Variants in LRRIQ1 observed in about 807,000 individuals in gnomAD.
LRRIQ1 encodes the protein leucine rich repeats and IQ motif containing 1.
Under a neutral mutation model 211.9 loss-of-function variants are expected in LRRIQ1, and 210 were observed. That is an observed-to-expected ratio of 0.99 (90% CI 0.89 to 1.11). The LOEUF is 1.11. LRRIQ1 is among the 50% of genes most tolerant of loss of function. The pLI is 0.00. For missense variants in LRRIQ1, 2,136 were observed against 1,939.5 expected (o/e 1.10, Z -1.90); for synonymous variants, 699 against 650.1 (o/e 1.08, Z -1.14).
At chr12:85,106,048 G>A (rs1189429805) in intron 14 of LRRIQ1, among the ~76,000 whole-genome samples, 2 of 151,888 alleles carry the variant, frequency 1.3e-5, no homozygotes, top group Non-Finnish European at 2.9e-5. Flanking sequence ...TGCCCGCCTC[G>A]GCCTCCCAAA....
At chr12:85,123,907 G>A (rs984343632) in intron 16 of LRRIQ1, among the ~76,000 whole-genome samples, 163 bp from the exon 17 acceptor site, 2 of 151,916 alleles carry the variant, frequency 1.3e-5, no homozygotes, top group African/African-American at 2.4e-5. Flanking sequence ...TGTTATAAAC[G>A]AGATCAATTT....
chr12:85,173,493 A>G (rs575293140), intron 24 of LRRIQ1, among the ~76,000 whole-genome samples: 51 of 152,238 alleles, frequency 3.4e-4, no homozygotes, highest in Non-Finnish European at 6.3e-4. Flanking sequence ...AGCTAATTCA[A>G]TTCCTGATGA....
At chr12:85,238,111 C>G (rs1593011394) in intron 26 of LRRIQ1, among the ~76,000 whole-genome samples, 1 of 150,956 alleles carries the variant, frequency 6.6e-6, no homozygotes, top group East Asian at 1.9e-4. Context: ...GAACTGCAAA[C>G]TATTTCACCT....
chr12:85,160,169 G>A (rs564432394), intron 23 of LRRIQ1, among the ~76,000 whole-genome samples: 32 of 151,840 alleles, frequency 2.1e-4, no homozygotes, highest in Non-Finnish European at 4.0e-4. Flanking sequence ...TCTATTTTTT[G>A]TAATATTAAT....
At chr12:85,075,718 A>G (rs1323692481) in intron 11 of LRRIQ1, among the ~76,000 whole-genome samples, 1 of 151,886 alleles carries the variant, frequency 6.6e-6, no homozygotes, top group Non-Finnish European at 1.5e-5. Context: ...TCCAAACTGT[A>G]TCACTGAGTA....
chr12:85,135,809 A>G (rs1190639300), intron 18 of LRRIQ1, among the ~76,000 whole-genome samples: 3 of 151,950 alleles, frequency 2.0e-5, no homozygotes, highest in Non-Finnish European at 4.4e-5. Context: ...GGTTCATTTG[A>G]CATACATTTT....
intron 23 of LRRIQ1, among the ~76,000 whole-genome samples, chr12:85,158,630 A>G (rs948528530): frequency 1.3e-5 from 2 of 151,934 alleles, no homozygotes; most frequent in Admixed American, 6.6e-5. Context: ...CATAATAGGG[A>G]CATGGTTACT....
chr12:85,269,280 A>T (rs1896485477), downstream of LRRIQ1, among the ~76,000 whole-genome samples: 1 of 151,954 alleles, frequency 6.6e-6, no homozygotes, highest in Admixed American at 6.6e-5. Flanking sequence ...CTGCTACGTG[A>T]TGGTTTTCAA....
intron 19 of LRRIQ1, among the ~76,000 whole-genome samples, chr12:85,139,142 G>A (rs1442098298): frequency 6.6e-6 from 1 of 151,400 alleles, no homozygotes. Context: ...TAAGAAGAAT[G>A]AGTTGGTAAA....
At chr12:85,207,724 T>A (rs1893631613) in intron 24 of LRRIQ1, among the ~76,000 whole-genome samples, 1 of 152,164 alleles carries the variant, frequency 6.6e-6, no homozygotes, top group African/African-American at 2.4e-5. Context: ...GGGTTTAGAT[T>A]CTTTTTTTGG....
At chr12:85,089,934 G>C (rs181957969) in intron 11 of LRRIQ1, among the ~76,000 whole-genome samples, 3 of 152,170 alleles carry the variant, frequency 2.0e-5, no homozygotes, top group African/African-American at 7.2e-5. Context: ...AAAAAGCTAC[G>C]AAGGCATTAC....
downstream of LRRIQ1, among the ~76,000 whole-genome samples, chr12:85,248,760 T>C (rs114960561): frequency 6.3e-3 from 951 of 151,914 alleles, 7 homozygotes; most frequent in African/African-American, 0.022. Flanking sequence ...ATTCGTGATT[T>C]GTGCCTAGAA....
chr12:85,222,315 A>T (rs189374280), intron 24 of LRRIQ1, among the ~76,000 whole-genome samples: 334 of 152,142 alleles, frequency 2.2e-3, no homozygotes, highest in African/African-American at 7.8e-3. Flanking sequence ...CCAAGATAGA[A>T]CTCCAGAGAA....
intron 4 of LRRIQ1, among the ~76,000 whole-genome samples, chr12:85,045,606 A>T (rs1035605222): frequency 2.0e-5 from 3 of 152,126 alleles, no homozygotes; most frequent in African/African-American, 7.2e-5. Context: ...TATATAATTT[A>T]GGTTACAGAA....
At chr12:85,210,492 T>C (rs1021118612) in intron 24 of LRRIQ1, among the ~76,000 whole-genome samples, 1 of 152,228 alleles carries the variant, frequency 6.6e-6, no homozygotes, top group Admixed American at 6.5e-5. Context: ...GTAAATGTCT[T>C]GGTTTAGCTT....
chr12:85,131,236 G>A (rs1025936528), intron 18 of LRRIQ1, among the ~76,000 whole-genome samples: 1 of 150,782 alleles, frequency 6.6e-6, no homozygotes, highest in African/African-American at 2.4e-5. Flanking sequence ...AAATTTCAAT[G>A]GTAGATTTGT....
chr12:85,118,253 A>G (rs1054889694), intron 15 of LRRIQ1, among the ~76,000 whole-genome samples: 4 of 152,158 alleles, frequency 2.6e-5, no homozygotes, highest in African/African-American at 7.2e-5. Context: ...ACTACTGAAC[A>G]AGTTCAAAAT....
intron 15 of LRRIQ1, among the ~76,000 whole-genome samples, chr12:85,117,075 G>C (rs1197395648): frequency 6.6e-6 from 1 of 152,210 alleles, no homozygotes; most frequent in African/African-American, 2.4e-5. Context: ...TGATACAGTA[G>C]TTCATAAACA....
intron 19 of LRRIQ1, 123 bp downstream of exon 19, chr12:85,138,092 T>C: frequency 1.7e-6 from 1 of 586,624 alleles, no homozygotes; most frequent in South Asian, 3.2e-5. Flanking sequence ...TTTCCTAACA[T>C]TGAGAAACTT....
Sources: gnomAD v4.1 joint callset for allele counts (sites outside exome capture counted in the v4.1 genomes callset) on GRCh38, gnomAD v4.1.1 for gene constraint, MANE v1.5 for transcripts, NCBI Gene and HGNC (gene_info 2026-07-23, HGNC 2026-07-21) for gene names.